Variants in DGAT1 observed in about 807,000 individuals in gnomAD.
The protein encoded by DGAT1 is diacylglycerol O-acyltransferase 1.
A neutral mutation model predicts 72.6 loss-of-function variants in DGAT1; 60 were observed. The observed-to-expected ratio is 0.83, with a 90% confidence interval of 0.67 to 1.02. DGAT1 has a LOEUF of 1.02. Among genes scored for constraint, DGAT1 ranks in the 50% least tolerant of loss-of-function variants. The pLI is 0.00. For missense variants in DGAT1, 592 were observed against 670.0 expected (o/e 0.88, Z 1.29); for synonymous variants, 290 against 267.5 (o/e 1.08, Z -0.82).
chr8:144,325,418 C>T (rs782488453), intron 1 of DGAT1, among the ~76,000 whole-genome samples: 3 of 152,200 alleles, frequency 2.0e-5, no homozygotes, highest in African/African-American at 7.2e-5. Flanking sequence ...CATGGTGCCC[C>T]GTGAAGGAAA....
chr8:144,314,814 TG>T lies in DGAT1; in HGVS notation c.*1739del. On this transcript the variant is annotated 3_prime_UTR_variant, in exon 17 of 17. Coordinates refer to ENST00000528718, the MANE Select transcript of DGAT1 (RefSeq NM_012079.6). Reference sequence around the variant, plus strand: ...AGGGCACAGAAGGGCCGGGCTGCAGTGGCCTCCTGGGGGAAGACGGATGCTT... The same window carrying T: ...AGGGCACAGAAGGGCCGGGCTGCAGTGCCTCCTGGGGGAAGACGGATGCTT... 1.3e-6 allele frequency: 1 copy of T among 772,812 alleles called. No homozygotes were observed. The highest frequency in any genetic ancestry group is 1.6e-6 in the Non-Finnish European group (1 of 633,318). 47.9% of individuals were successfully genotyped at this position (772,812 alleles called of 1,614,324 possible).
In DGAT1 at chr8:144,316,149, ACCGG is replaced by A; in HGVS notation, c.*401_*404del. Reference sequence around the variant, plus strand: ...GTCTGCCTGGCCTTGCACTCCCCCTACCGGCCATGCCCGCCCTGCTGCAGTGGAG... The same window carrying A: ...GTCTGCCTGGCCTTGCACTCCCCCTACCATGCCCGCCCTGCTGCAGTGGAG... On this transcript the variant is annotated 3_prime_UTR_variant, in exon 17 of 17. Coordinates refer to ENST00000528718, the MANE Select transcript of DGAT1 (RefSeq NM_012079.6). 1 of 204,948 alleles carries A rather than the reference ACCGG, an allele frequency of 4.9e-6. No homozygotes were observed. Among genetic ancestry groups the A allele is most frequent in the Non-Finnish European group, 9.8e-6 (1 of 102,528 alleles). 12.7% of individuals were successfully genotyped at this position (204,948 alleles called of 1,614,324 possible). A position where few individuals can be genotyped will look rare whatever the true frequency, so the allele number is the denominator to read the frequency against.
Position 144,318,297 on chromosome 8 carries a change from C to T in DGAT1, c.640G>A (p.Val214Ile), listed in dbSNP as rs377729741. The T allele has an allele frequency of 1.4e-4, 225 of 1,612,716 alleles. 1 individual carries two copies. The highest frequency in any genetic ancestry group is 4.0e-5 in the African/African-American group (3 of 74,918). ...LFLKLFSYRD[V>I]NSWCRRARAK... ...CTGGCCCTGCGGCACCATGAGTTGACGTCGCGGTAGGAGAAGAGCTTGAGG... is the reference window on the plus strand; with the variant it reads ...CTGGCCCTGCGGCACCATGAGTTGATGTCGCGGTAGGAGAAGAGCTTGAGG... The change falls in exon 7 of 17, where the codon GTC becomes ATC. Residue 214 changes from valine (V) to isoleucine (I), a missense_variant. Coordinates refer to ENST00000528718, the MANE Select transcript of DGAT1 (RefSeq NM_012079.6).
chr8:144,315,685 C>T lies in DGAT1; in HGVS notation c.*869G>A. On this transcript the variant is annotated 3_prime_UTR_variant, in exon 17 of 17. Transcript: ENST00000528718. ...TGCAGGGCTGCGCTGTCTGCACTGCCCAGCCTGGTGCCAGAAGAGCAGAGG... is the reference window on the plus strand; with the variant it reads ...TGCAGGGCTGCGCTGTCTGCACTGCTCAGCCTGGTGCCAGAAGAGCAGAGG... The T allele has an allele frequency of 1.1e-6, 1 of 949,996 alleles. No homozygotes were observed. Among genetic ancestry groups the T allele is most frequent in the Non-Finnish European group, 1.3e-6 (1 of 797,610 alleles). 58.8% of individuals were successfully genotyped at this position (949,996 alleles called of 1,614,324 possible).
rs782160424 is a variant in DGAT1, at chr8:144,317,134, CG to C, written c.1161-26del. On this transcript the variant is annotated intron_variant, in intron 14 of 16. Transcript: ENST00000528718. ...TCTGCAGAGGAGGGGGCATGGAAAG[CG>C]GTTCAGGTTCACAGCCATGTTCCAC... 15 of 1,612,630 alleles carry C rather than the reference CG, an allele frequency of 9.3e-6. No homozygotes were observed. The East Asian group carries it at 3.3e-4, about 36-fold the overall frequency.
At position 144,315,777 on chromosome 8, in the gene DGAT1, C is replaced by G. The variant is rs1817185631; in HGVS notation, c.*777G>C. On this transcript the variant is annotated 3_prime_UTR_variant, in exon 17 of 17. Coordinates refer to ENST00000528718, the MANE Select transcript of DGAT1 (RefSeq NM_012079.6). ...AGGGCAGCTGAGAGCCACCAGCCCA[C>G]CTGGCTGCCCAGGTTCCAAGTGAAG... The G allele has an allele frequency of 1.0e-6, 1 of 956,616 alleles. No homozygotes were observed. The highest frequency in any genetic ancestry group is 6.2e-5 in the Admixed American group (1 of 16,230). 59.3% of individuals were successfully genotyped at this position (956,616 alleles called of 1,614,324 possible).
Position 144,319,077 on chromosome 8 carries a change from G to T in DGAT1, c.289-9C>A. 1.3e-6 allele frequency: 2 copies of T among 1,553,118 alleles called. No homozygotes were observed. Among genetic ancestry groups the T allele is most frequent in the African/African-American group, 1.4e-5 (1 of 73,256 alleles). On this transcript the variant is annotated splice_polypyrimidine_tract_variant and intron_variant, in intron 2 of 16. Coordinates refer to ENST00000528718, the MANE Select transcript of DGAT1 (RefSeq NM_012079.6). ...CGGGCATTGCTCAAGATCTGCGAGG[G>T]ATGGACAGGAGGGTGCAGCCCCTTT...
intron 2 of DGAT1, among the ~76,000 whole-genome samples, chr8:144,320,614 T>G (rs1564632710): frequency 6.6e-6 from 1 of 152,072 alleles, no homozygotes; most frequent in Non-Finnish European, 1.5e-5. Flanking sequence ...CGACCTGCCC[T>G]GCAGGTGCCC....
intron 2 of DGAT1, among the ~76,000 whole-genome samples, chr8:144,319,550 G>A (rs370444659): frequency 1.3e-5 from 2 of 152,192 alleles, no homozygotes; most frequent in Non-Finnish European, 2.9e-5. Flanking sequence ...GGCTGAAGAG[G>A]GGGAGTTGTC....
Position 144,326,549 on chromosome 8 carries a change from C to T in DGAT1, c.88G>A (p.Glu30Lys), listed in dbSNP as rs1352523419. Residue 30 changes from glutamate (E) to lysine (K), a missense_variant, in exon 1 of 17, where the codon GAG (glutamate) becomes AAG (lysine). Transcript: ENST00000528718. ...GGGCCCGCAGCGGCGTCCCGCACCT[C>T]CTCTTCCGCCGCCGCAGGCCCGCCG... ...GGGGPAAAEE[E>K]VRDAAAGPDV... is the part of the protein sequence containing the mutation. The T allele has an allele frequency of 3.9e-6, 5 of 1,266,082 alleles. No individual in the cohort carries two copies. The highest frequency in any genetic ancestry group is 3.2e-5 in the East Asian group (1 of 31,632). 78.4% of individuals were successfully genotyped at this position (1,266,082 alleles called of 1,614,324 possible).
intron 1 of DGAT1, among the ~76,000 whole-genome samples, chr8:144,322,487 G>A (rs1330888530): frequency 3.9e-5 from 6 of 152,120 alleles, no homozygotes; most frequent in Admixed American, 2.0e-4. Context: ...TGAGGCAGAC[G>A]CCCTCAGGGC....
In DGAT1 at chr8:144,317,721, G is replaced by A. The variant is rs782645151; in HGVS notation, c.895-9C>T. On this transcript the variant is annotated splice_polypyrimidine_tract_variant and intron_variant, in intron 10 of 16. Transcript: ENST00000528718. ...ATGGTGGGGACCATCCACTGCAAAG[G>A]AGGGCACCACGTCAGCTCCCAGCCA... 1 of 1,613,744 alleles carries A rather than the reference G, an allele frequency of 6.2e-7. No individual in the cohort carries two copies. The highest frequency in any genetic ancestry group is 1.1e-5 in the South Asian group (1 of 91,086).
intron 1 of DGAT1, 78 bp from the exon 2 acceptor site, chr8:144,321,486 C>A (rs1347021515): frequency 2.3e-6 from 3 of 1,314,454 alleles, no homozygotes; most frequent in African/African-American, 2.9e-5. Flanking sequence ...CAGGCCCCCA[C>A]CCCAGTGTCC....
intron 2 of DGAT1, among the ~76,000 whole-genome samples, chr8:144,320,307 C>A (rs1453740024): frequency 1.3e-5 from 2 of 152,340 alleles, no homozygotes; most frequent in African/African-American, 2.4e-5. Flanking sequence ...AAGGCCCAAC[C>A]TGGGCCAGGA....
Position 144,316,110 on chromosome 8 carries a change from T to G in DGAT1, c.*444A>C, listed in dbSNP as rs868910835. 3 of 218,378 alleles carry G rather than the reference T, an allele frequency of 1.4e-5. No homozygotes were observed. Among genetic ancestry groups the G allele is most frequent in the Non-Finnish European group, 2.5e-5 (3 of 120,998 alleles). 13.5% of individuals were successfully genotyped at this position (218,378 alleles called of 1,614,324 possible). On this transcript the variant is annotated 3_prime_UTR_variant, in exon 17 of 17. Coordinates refer to ENST00000528718, the MANE Select transcript of DGAT1 (RefSeq NM_012079.6). Reference sequence around the variant, plus strand: ...CTGAGCTTTTCTAGGTAGGGGAGTGTGGGGAATGGGGGCGTCTGCCTGGCC... The same window carrying G: ...CTGAGCTTTTCTAGGTAGGGGAGTGGGGGGAATGGGGGCGTCTGCCTGGCC...
At position 144,326,483 on chromosome 8, in the gene DGAT1, TGGG is replaced by T; in HGVS notation, c.151_153del (p.Pro51del). The T allele has an allele frequency of 7.6e-7, 1 of 1,324,038 alleles. No individual in the cohort carries two copies. The highest frequency in any genetic ancestry group is 9.7e-7 in the Non-Finnish European group (1 of 1,029,868). The allele number at this position is 1,324,038 out of a possible 1,614,324, so 82.0% of individuals were successfully genotyped here. On this transcript the variant is annotated inframe_deletion, in exon 1 of 17. Transcript: ENST00000528718. ...CCCACGCCGGCGTCTCCGTCCTTGT[TGGG>T]GGCCGGGGCTGGCGCGTCCCCCGCG...
At chr8:144,321,077 G>A (rs1817439452) in intron 2 of DGAT1, among the ~76,000 whole-genome samples, 4 of 152,214 alleles carry the variant, frequency 2.6e-5, no homozygotes, top group African/African-American at 9.6e-5. Context: ...GATCCAATGG[G>A]AAGCAGCAAG....
intron 1 of DGAT1, 143 bp from the exon 2 acceptor site, chr8:144,321,551 G>A: frequency 2.7e-6 from 2 of 731,312 alleles, no homozygotes; most frequent in Admixed American, 2.2e-5. Context: ...AAGCCAGGCA[G>A]AGCCACACTG....
intron 1 of DGAT1, among the ~76,000 whole-genome samples, chr8:144,325,712 C>A (rs1397887453): frequency 6.6e-6 from 1 of 152,202 alleles, no homozygotes; most frequent in Non-Finnish European, 1.5e-5. Context: ...CTGAGCAGGG[C>A]ACACGCCTGC....
Sources: gnomAD v4.1 joint callset for allele counts (sites outside exome capture counted in the v4.1 genomes callset) on GRCh38, gnomAD v4.1.1 for gene constraint, MANE v1.5 for transcripts, NCBI Gene and HGNC (gene_info 2026-07-23, HGNC 2026-07-21) for gene names.